CAMSAP3: variants seen among roughly 807,000 people sequenced by gnomAD.
CAMSAP3 encodes the protein calmodulin regulated spectrin associated protein family member 3, also known as calmodulin-regulated spectrin-associated protein 3.
Under a neutral mutation model 112.5 loss-of-function variants are expected in CAMSAP3, and 34 were observed. The observed-to-expected ratio is 0.30, with a 90% CI of 0.23 to 0.40. The LOEUF is 0.40. CAMSAP3 is among the 10% of genes least tolerant of loss of function. The pLI is 1.00. For synonymous variants in CAMSAP3, 868 were observed against 799.8 expected, an observed-to-expected ratio of 1.09 and a Z score of -1.44; for missense variants, 1,602 against 1,770.3, an observed-to-expected ratio of 0.90 and a Z score of 1.71.
intron 2 of CAMSAP3, 137 bp from the exon 3 acceptor site, chr19:7,606,134 T>C (rs2030202431): frequency 6.2e-6 from 4 of 648,148 alleles, no homozygotes; most frequent in Admixed American, 2.6e-5. Context: ...CATGAACCAC[T>C]GGCCCCGCCC....
At chr19:7,603,343 T>G (rs2030056291) in intron 1 of CAMSAP3, among the ~76,000 whole-genome samples, 1 of 151,876 alleles carries the variant, frequency 6.6e-6, no homozygotes, top group Admixed American at 6.6e-5. Context: ...GCTTCCCGAG[T>G]AGCTGGGATT....
In CAMSAP3 at chr19:7,615,331, G is replaced by C; in HGVS notation, c.2810+9G>C. The C allele has an allele frequency of 6.5e-7, 1 of 1,540,812 alleles. No individual in the cohort carries two copies. The highest frequency in any genetic ancestry group is 8.8e-7 in the Non-Finnish European group (1 of 1,140,952). Reference sequence around the variant, plus strand: ...AGGGAGGAGGCCGCGAGGTGAGGCCGGGCCTGCCCGGGACGCCCGCTCCTT... The same window carrying C: ...AGGGAGGAGGCCGCGAGGTGAGGCCCGGCCTGCCCGGGACGCCCGCTCCTT... On this transcript the variant is annotated intron_variant, in intron 12 of 16. Transcript: ENST00000160298. The surrounding 1 kb of genome is among the most constrained non-coding windows in gnomAD (Gnocchi z 6.5).
rs768260718 is a variant in CAMSAP3, at chr19:7,612,796, G to T, written c.2303G>T (p.Arg768Leu). ...GCCCGGCGAGTCCCGGCCACCCGGC[G>T]CAGCCCTGGGCCCGGGCCCAGCCAG... Reference protein sequence around the residue: ...SPARRVPATRRSPGPGPSQSP... With the variant: ...SPARRVPATRLSPGPGPSQSP... The change falls in exon 11 of 17, where the codon CGC becomes CTC. Residue 768 changes from arginine to leucine, a missense_variant. Around this residue, in one of 6 missense-constraint regions of CAMSAP3, gnomAD observed 1,100 missense variants for 1,135.7 expected, o/e 0.97. Transcript: ENST00000160298. 2 of 1,534,976 alleles carry T rather than the reference G, an allele frequency of 1.3e-6. No individual in the cohort carries two copies. Among genetic ancestry groups the T allele is most frequent in the Non-Finnish European group, 1.7e-6 (2 of 1,146,810 alleles).
chr19:7,617,271 C>A lies in CAMSAP3; in HGVS notation c.3213-55C>A. On this transcript the variant is annotated intron_variant, in intron 14 of 16. Transcript: ENST00000160298. This position sits in a 1 kb window ranked among gnomAD's most constrained non-coding sequence, Gnocchi z 7.5. ...ACATAGGGAAGCTTCCCATCTCTGA[C>A]CCCACCTCCATCCCATCCTGACCCC... is the stretch of plus-strand genomic sequence containing the variant. 7.9e-7 allele frequency: 1 copy of A among 1,265,788 alleles called. No homozygotes were observed. The highest frequency in any genetic ancestry group is 1.2e-6 in the Non-Finnish European group (1 of 863,956). The allele number at this position is 1,265,788 out of a possible 1,614,324, so 78.4% of individuals were successfully genotyped here. A position where few individuals can be genotyped will look rare whatever the true frequency, so the allele number is the denominator to read the frequency against.
intron 5 of CAMSAP3, among the ~76,000 whole-genome samples, chr19:7,609,873 G>A (rs1022986535): frequency 1.3e-5 from 2 of 152,074 alleles, no homozygotes; most frequent in Non-Finnish European, 2.9e-5. Flanking sequence ...GAATGCCGCC[G>A]CTGATCTGAC....
In CAMSAP3 at chr19:7,612,547, C is replaced by T. The variant is rs2146171887; in HGVS notation, c.2054C>T (p.Ser685Leu). 1.3e-6 allele frequency: 2 copies of T among 1,536,448 alleles called. No individual in the cohort carries two copies. The highest frequency in any genetic ancestry group is 1.7e-4 in the Middle Eastern group (1 of 5,968). The part of the protein sequence containing the change: ...PTSRPKAVTF[S>L]PDLGPVPHEG... The stretch of plus-strand genomic sequence containing the variant: ...TCACGGCCCAAGGCAGTGACCTTCT[C>T]GCCAGACCTGGGCCCGGTGCCCCAC... The change falls in exon 11 of 17, where the codon TCG becomes TTG. Residue 685 changes from serine (S) to leucine (L), a missense_variant. Transcript: ENST00000160298.
chr19:7,617,731 A>C lies in CAMSAP3; in HGVS notation c.3445-21A>C. On this transcript the variant is annotated intron_variant, in intron 16 of 16. Transcript: ENST00000160298. This position sits in a 1 kb window ranked among gnomAD's most constrained non-coding sequence, Gnocchi z 7.5. ...GGTGGCCTGACTTGGCCAGCTGACC[A>C]TTTCCAGCACTCCTGCCCAGGAAAT... 4 of 1,612,146 alleles carry C rather than the reference A, an allele frequency of 2.5e-6. No individual in the cohort carries two copies. Among genetic ancestry groups the C allele is most frequent in the Non-Finnish European group, 3.4e-6 (4 of 1,178,618 alleles).
chr19:7,605,513 A>G (rs762744730), intron 2 of CAMSAP3, 34 bp downstream of exon 2: 3 of 1,434,850 alleles, frequency 2.1e-6, no homozygotes, highest in Non-Finnish European at 1.8e-6. Flanking sequence ...GACCACGCCT[A>G]CCATGCTCAG....
intron 1 of CAMSAP3, among the ~76,000 whole-genome samples, chr19:7,604,807 G>A (rs185270962): frequency 1.3e-5 from 2 of 152,266 alleles, no homozygotes; most frequent in African/African-American, 4.8e-5. Flanking sequence ...CTGCCTCCTA[G>A]CGTTGATGTA....
At chr19:7,609,317 CAAAA>C (rs3032314) in intron 5 of CAMSAP3, among the ~76,000 whole-genome samples, 2 of 98,160 alleles carry the variant, frequency 2.0e-5, no homozygotes, top group African/African-American at 3.7e-5. Flanking sequence ...GACTCCATCT[CAAAA>C]AAAAAAAAAA....
chr19:7,605,178 T>G (rs996174186), intron 1 of CAMSAP3, 48 bp from the exon 2 acceptor site: 1 of 792,588 alleles, frequency 1.3e-6, no homozygotes, highest in Non-Finnish European at 1.7e-6. Context: ...GTGTGTGTGT[T>G]GTATCTGGTG....
Position 7,596,070 on chromosome 19 carries a change from C to T in CAMSAP3, c.68C>T (p.Ser23Leu), listed in dbSNP as rs1203477172. 1.6e-6 allele frequency: 2 copies of T among 1,284,174 alleles called. No homozygotes were observed. The highest frequency in any genetic ancestry group is 2.9e-5 in the South Asian group (2 of 69,834). 79.5% of individuals were successfully genotyped at this position (1,284,174 alleles called of 1,614,324 possible). The change falls in exon 1 of 17, where the codon TCG (serine) becomes TTG (leucine). Residue 23 changes from serine (S) to leucine (L), a missense_variant. This residue lies in a region of CAMSAP3 where 147 missense variants were observed against 144.6 expected (regional missense o/e 1.02). Coordinates refer to ENST00000160298, the MANE Select transcript of CAMSAP3 (RefSeq NM_020902.2). ...ACCTTTCTAGTGCCCGAGATCAAGT[C>T]GCTGGACCAGTACGATTTCTCGCGG... ...RRTFLVPEIK[S>L]LDQYDFSRAK...
At chr19:7,616,772 G>A in intron 14 of CAMSAP3, 150 bp downstream of exon 14, 1 of 624,094 alleles carries the variant, frequency 1.6e-6, no homozygotes, top group South Asian at 1.7e-5. Flanking sequence ...GTGGGCACGT[G>A]TGCATGGGGC....
In CAMSAP3 at chr19:7,610,910, C is replaced by G; in HGVS notation, c.1028C>G (p.Pro343Arg). 6.3e-7 allele frequency: 1 copy of G among 1,587,926 alleles called. No individual in the cohort carries two copies. The highest frequency in any genetic ancestry group is 8.6e-7 in the Non-Finnish European group (1 of 1,166,516). The change falls in exon 8 of 17, where the codon CCT becomes CGT. Residue 343 changes from proline to arginine, a missense_variant. By Grantham distance (103) the Pro-to-Arg change is moderately radical (BLOSUM62 -2). Transcript: ENST00000160298. This position sits in a 1 kb window ranked among gnomAD's most constrained non-coding sequence, Gnocchi z 4.9. ...CCCCGGGGCACTGAGGCCTCCCCACCTCAGAACAACAGCGGCAGTAGGTAC... is the reference window on the plus strand; with the variant it reads ...CCCCGGGGCACTGAGGCCTCCCCACGTCAGAACAACAGCGGCAGTAGGTAC... ...ASPRGTEASP[P>R]QNNSGSSSPV...
Position 7,610,911 on chromosome 19 carries a change from T to G in CAMSAP3, c.1029T>G (p.Pro343=), listed in dbSNP as rs1599356169. Residue 343 remains proline (P), a synonymous_variant, in exon 8 of 17, where the codon CCT becomes CCG. Transcript: ENST00000160298. The surrounding 1 kb of genome is among the most constrained non-coding windows in gnomAD (Gnocchi z 4.9). ...ASPRGTEASP[P]QNNSGSSSPV... is the part of the protein sequence containing the mutation. ...CCCGGGGCACTGAGGCCTCCCCACC[T>G]CAGAACAACAGCGGCAGTAGGTACG... 3 of 1,587,740 alleles carry G rather than the reference T, an allele frequency of 1.9e-6. No individual in the cohort carries two copies. In the East Asian group the frequency reaches 6.7e-5, roughly 36 times the overall value.
intron 5 of CAMSAP3, among the ~76,000 whole-genome samples, chr19:7,609,961 G>T (rs1232742044): frequency 6.6e-6 from 1 of 152,120 alleles, no homozygotes; most frequent in South Asian, 2.1e-4. Context: ...CTGCTGTACG[G>T]TTCAGTTCCT....
At position 7,615,104 on chromosome 19, in the gene CAMSAP3, C is replaced by T; in HGVS notation, c.2671-79C>T. ...AACAAAAGCACAGGTGGGTGGCGGG[C>T]AGGCTGGGTGGAGGGAAGATGGGCC... On this transcript the variant is annotated intron_variant, in intron 11 of 16. Coordinates refer to ENST00000160298, the MANE Select transcript of CAMSAP3 (RefSeq NM_020902.2). The surrounding 1 kb of genome is among the most constrained non-coding windows in gnomAD (Gnocchi z 6.5). 1.3e-6 allele frequency: 2 copies of T among 1,514,594 alleles called. No individual in the cohort carries two copies. Among genetic ancestry groups the T allele is most frequent in the Non-Finnish European group, 1.8e-6 (2 of 1,115,268 alleles). The allele number at this position is 1,514,594 out of a possible 1,614,324, so 93.8% of individuals were successfully genotyped here.
At chr19:7,606,140 C>CT in intron 2 of CAMSAP3, 131 bp from the exon 3 acceptor site, 4 of 451,830 alleles carry the variant, frequency 8.9e-6, no homozygotes, top group Admixed American at 3.4e-5. Flanking sequence ...CCACTGGCCC[C>CT]GCCCCCTCAA....
In CAMSAP3 at chr19:7,611,883, C is replaced by G. The variant is rs752219696; in HGVS notation, c.1390C>G (p.Gln464Glu). ...CCTGCCCACCATCGAGGAAGCTCTG[C>G]AGATCATCCACAGTGCCGAGCCCCG... Reference protein sequence around the residue: ...GDLPTIEEALQIIHSAEPRLL... With the variant: ...GDLPTIEEALEIIHSAEPRLL... The change falls in exon 11 of 17, where the codon CAG becomes GAG. Residue 464 changes from glutamine to glutamate, a missense_variant. By Grantham distance (29) the Gln-to-Glu change is conservative. Transcript: ENST00000160298. This position sits in a 1 kb window ranked among gnomAD's most constrained non-coding sequence, Gnocchi z 6.9. 1 of 1,569,176 alleles carries G rather than the reference C, an allele frequency of 6.4e-7. No homozygotes were observed. Among genetic ancestry groups the G allele is most frequent in the Non-Finnish European group, 8.7e-7 (1 of 1,155,902 alleles).
Sources: allele counts gnomAD v4.1 joint callset (sites outside exome capture counted in the v4.1 genomes callset), GRCh38; gene constraint gnomAD v4.1.1; regional missense constraint gnomAD v4.1.1; non-coding constraint Gnocchi (gnomAD v3.1); transcripts MANE v1.5; gene names NCBI Gene and HGNC (gene_info 2026-07-23, HGNC 2026-07-21).